Variants in PTPRZ1 observed in about 807,000 individuals in gnomAD.
The protein encoded by PTPRZ1 is receptor-type tyrosine-protein phosphatase zeta.
PTPRZ1 carries 82 observed loss-of-function variants against 214.1 expected under a neutral mutation model. That is an observed-to-expected ratio of 0.38 (90% CI 0.32 to 0.46). The LOEUF is 0.46. Among genes scored for constraint, PTPRZ1 ranks in the 20% least tolerant of loss-of-function variants. The probability of loss-of-function intolerance (pLI) is 1.00; values close to 1 mark genes in which losing one functional copy is unlikely to be tolerated. For missense variants in PTPRZ1, 2,603 were observed against 2,748.7 expected, an observed-to-expected ratio of 0.95 and a Z score of 1.19; for synonymous variants, 945 against 987.9, an observed-to-expected ratio of 0.96 and a Z score of 0.81.
At chr7:122,002,885 C>G (rs1381997079) in intron 10 of PTPRZ1, among the ~76,000 whole-genome samples, 1 of 152,102 alleles carries the variant, frequency 6.6e-6, no homozygotes, top group East Asian at 1.9e-4. Context: ...TTTCAACAGT[C>G]TATGAAAAAG....
intron 2 of PTPRZ1, among the ~76,000 whole-genome samples, chr7:121,946,615 AATT>A (rs1319948450): frequency 5.3e-5 from 8 of 152,198 alleles, no homozygotes; most frequent in Non-Finnish European, 1.0e-4. Context: ...GAAAAAAATA[AATT>A]TAATGAAGAA....
At chr7:121,880,723 T>C (rs993485787) in intron 1 of PTPRZ1, among the ~76,000 whole-genome samples, 13 of 152,174 alleles carry the variant, frequency 8.5e-5, no homozygotes, top group African/African-American at 3.1e-4. Flanking sequence ...TTTCTAATGG[T>C]TTTTATTCAT....
intron 2 of PTPRZ1, among the ~76,000 whole-genome samples, chr7:121,957,339 G>A (rs1796739744): frequency 6.6e-6 from 1 of 152,102 alleles, no homozygotes; most frequent in Non-Finnish European, 1.5e-5. Flanking sequence ...GATGGTGGTG[G>A]GATGTAGGTG....
intron 8 of PTPRZ1, among the ~76,000 whole-genome samples, chr7:121,989,544 T>A (rs1259042453): frequency 6.6e-6 from 1 of 152,110 alleles, no homozygotes; most frequent in Non-Finnish European, 1.5e-5. Context: ...CCAGCTAATT[T>A]TGTATTTTTA....
At chr7:121,970,814 C>T (rs991375013) in intron 3 of PTPRZ1, among the ~76,000 whole-genome samples, 48 of 152,084 alleles carry the variant, frequency 3.2e-4, no homozygotes, top group Admixed American at 1.7e-3. Flanking sequence ...TAATTAGATC[C>T]CATTTGTCAA....
At chr7:121,989,119 GATTT>G (rs1240118832) in intron 8 of PTPRZ1, among the ~76,000 whole-genome samples, 1 of 152,088 alleles carries the variant, frequency 6.6e-6, no homozygotes, top group Non-Finnish European at 1.5e-5. Context: ...AGCATATCAA[GATTT>G]ATTATGTAAT....
intron 2 of PTPRZ1, among the ~76,000 whole-genome samples, chr7:121,929,212 ATAGT>A: frequency 6.6e-6 from 1 of 152,200 alleles, no homozygotes; most frequent in East Asian, 1.9e-4. Flanking sequence ...AAAAACTGCT[ATAGT>A]CCTTTTAGAC....
At chr7:121,963,079 T>A (rs1200693338) in intron 2 of PTPRZ1, among the ~76,000 whole-genome samples, 2 of 152,176 alleles carry the variant, frequency 1.3e-5, no homozygotes, top group African/African-American at 2.4e-5. Context: ...TTTTTAATCA[T>A]GAAAATTAAG....
intron 2 of PTPRZ1, among the ~76,000 whole-genome samples, chr7:121,931,167 T>C (rs867183684): frequency 2.0e-5 from 3 of 152,188 alleles, no homozygotes; most frequent in Non-Finnish European, 4.4e-5. Flanking sequence ...CCTAAGAATA[T>C]CACAAGCCAT....
intron 2 of PTPRZ1, chr7:121,967,171 G>A (rs915092619): frequency 3.3e-5 from 5 of 152,174 alleles, no homozygotes; most frequent in African/African-American, 7.2e-5. Context: ...ACAAAGGGCA[G>A]TTTGGGTTTA....
Position 121,983,682 on chromosome 7 carries a change from GA to G in PTPRZ1, c.638del (p.Asp213ValfsTer6). 6.2e-7 allele frequency: 1 copy of G among 1,612,700 alleles called. No homozygotes were observed. The highest frequency in any genetic ancestry group is 8.5e-7 in the Non-Finnish European group (1 of 1,179,564). ...VSRFGKQAALDPFILLNLLPN... is the reference protein window; with the variant it reads ...VSRFGKQAALXPFILLNLLPN... Reference sequence around the variant, plus strand: ...CTTTTTAGGGAAGCAGGCTGCTTTAGATCCATTCATACTGTTGAACCTTCTG... The same window carrying G: ...CTTTTTAGGGAAGCAGGCTGCTTTAGTCCATTCATACTGTTGAACCTTCTG... On this transcript the variant is annotated frameshift_variant, in exon 7 of 30. Transcript: ENST00000393386. LOFTEE classifies it high-confidence loss of function.
intron 5 of PTPRZ1, 122 bp from the exon 6 acceptor site, chr7:121,976,663 T>G: frequency 1.3e-6 from 1 of 765,350 alleles, no homozygotes. Flanking sequence ...AAAAAAGTGT[T>G]TTTGGAACTT....
chr7:122,030,607 A>C (rs1375503613), intron 14 of PTPRZ1, among the ~76,000 whole-genome samples: 1 of 151,958 alleles, frequency 6.6e-6, no homozygotes, highest in African/African-American at 2.4e-5. Context: ...TTTTTTTATC[A>C]GCAAATTCTT....
chr7:122,056,693 A>G (rs1792357817), intron 27 of PTPRZ1, among the ~76,000 whole-genome samples: 1 of 151,790 alleles, frequency 6.6e-6, no homozygotes, highest in Admixed American at 6.6e-5. Context: ...ATGTTAAATT[A>G]CTTTTACCCA....
intron 1 of PTPRZ1, among the ~76,000 whole-genome samples, chr7:121,920,670 GA>G (rs943746748): frequency 6.6e-6 from 1 of 151,960 alleles, no homozygotes. Flanking sequence ...AGGTTGACAG[GA>G]AAAAAATGTG....
At position 121,932,943 on chromosome 7, in the gene PTPRZ1, C is replaced by A. The variant is rs184359466; in HGVS notation, c.124+4722C>A. Reference sequence around the variant, plus strand: ...GGGTTGGTAAATACAGTTGACAGTCCCATTTTTAAAAGTTAATATAGGAGG... The same window carrying A: ...GGGTTGGTAAATACAGTTGACAGTCACATTTTTAAAAGTTAATATAGGAGG... On this transcript the variant is annotated intron_variant, in intron 2 of 29. Coordinates refer to ENST00000393386, the MANE Select transcript of PTPRZ1 (RefSeq NM_002851.3). Among the ~76,000 whole-genome samples the A allele has an allele frequency of 1.1e-3, 164 of 151,864 alleles. 1 individual carries two copies. Among genetic ancestry groups the A allele is most frequent in the East Asian group, 3.9e-4 (2 of 5,164 alleles).
intron 6 of PTPRZ1, among the ~76,000 whole-genome samples, chr7:121,982,366 T>C (rs1797637645): frequency 6.6e-6 from 1 of 152,156 alleles, no homozygotes; most frequent in African/African-American, 2.4e-5. Flanking sequence ...TGTCTTAACT[T>C]TTCTTTGGAT....
chr7:121,893,993 G>A (rs1047351090), intron 1 of PTPRZ1, among the ~76,000 whole-genome samples: 2 of 152,022 alleles, frequency 1.3e-5, no homozygotes, highest in Non-Finnish European at 2.9e-5. Flanking sequence ...GTGTGCACAG[G>A]GCTAGTAAAT....
At chr7:121,910,594 T>C (rs1795243363) in intron 1 of PTPRZ1, among the ~76,000 whole-genome samples, 1 of 152,084 alleles carries the variant, frequency 6.6e-6, no homozygotes, top group Admixed American at 6.6e-5. Flanking sequence ...GTAATCAGTA[T>C]ATATTAGTTG....
Sources: allele counts gnomAD v4.1 joint callset (sites outside exome capture counted in the v4.1 genomes callset), GRCh38; gene constraint gnomAD v4.1.1; transcripts MANE v1.5; gene names NCBI Gene and HGNC (gene_info 2026-07-23, HGNC 2026-07-21).